STYX: variants seen among roughly 807,000 people sequenced by gnomAD.
STYX encodes the protein serine/threonine/tyrosine interacting protein.
A neutral mutation model predicts 42.7 loss-of-function variants in STYX; 20 were observed. That is an observed-to-expected ratio of 0.47 (90% CI 0.33 to 0.68). STYX has a LOEUF of 0.68. STYX is among the 30% of genes least tolerant of loss of function. The pLI, the probability that STYX is intolerant of heterozygous loss-of-function variation, is 0.02. For missense variants in STYX, 226 were observed against 268.5 expected (o/e 0.84, Z 1.11); for synonymous variants, 78 against 81.9 (o/e 0.95, Z 0.26).
intron 1 of STYX, among the ~76,000 whole-genome samples, chr14:52,741,942 A>T (rs879707951): frequency 6.6e-6 from 1 of 152,050 alleles, no homozygotes; most frequent in African/African-American, 2.4e-5. Flanking sequence ...TCCTGTTTTT[A>T]AATTAGTTTT....
intron 6 of STYX, among the ~76,000 whole-genome samples, 156 bp downstream of exon 6, chr14:52,757,511 G>T (rs1019086443): frequency 6.6e-6 from 1 of 152,086 alleles, no homozygotes; most frequent in Admixed American, 6.6e-5. Flanking sequence ...GTTTCATTTG[G>T]ATAGGCTTTC....
intron 1 of STYX, among the ~76,000 whole-genome samples, chr14:52,739,632 C>CTTTTTTTTTTTTTTTTTTTTTTT (rs58454717): frequency 4.6e-5 from 3 of 65,730 alleles, no homozygotes; most frequent in Non-Finnish European, 8.1e-5. Context: ...TCCTTTCTTT[C>CTTTTTTTTTTTTTTTTTTTTTTT]TTTTTTTTTT....
intron 1 of STYX, among the ~76,000 whole-genome samples, chr14:52,734,646 A>C (rs1394063257): frequency 2.0e-5 from 3 of 152,258 alleles, no homozygotes; most frequent in African/African-American, 7.2e-5. Flanking sequence ...TAATGGTTAA[A>C]GCTAGTGGAT....
At chr14:52,758,772 C>T (rs1881973917) in intron 8 of STYX, among the ~76,000 whole-genome samples, 1 of 152,038 alleles carries the variant, frequency 6.6e-6, no homozygotes, top group Non-Finnish European at 1.5e-5. Context: ...GATGGGGTTT[C>T]ACCATGTTGG....
intron 5 of STYX, among the ~76,000 whole-genome samples, chr14:52,756,854 A>G (rs900039814): frequency 1.3e-5 from 2 of 151,242 alleles, no homozygotes; most frequent in African/African-American, 4.9e-5. Context: ...TGCCCAGCTA[A>G]TTTTGTATTT....
At position 52,759,773 on chromosome 14, in the gene STYX, T is replaced by C. The variant is rs772472653; in HGVS notation, c.504+19T>C. ...ACTTCAGGTAACTTTTCTTCCTCTT[T>C]AAGGCAATCAGAAGTAAGATATAAA... is the stretch of plus-strand genomic sequence containing the variant. On this transcript the variant is annotated intron_variant, in intron 9 of 10. Transcript: ENST00000354586. 1.7e-5 allele frequency: 26 copies of C among 1,505,022 alleles called. No homozygotes were observed. The East Asian group carries it at 5.2e-4, about 30-fold the overall frequency. The allele number at this position is 1,505,022 out of a possible 1,614,324, so 93.2% of individuals were successfully genotyped here.
intron 9 of STYX, among the ~76,000 whole-genome samples, chr14:52,764,407 C>T (rs1023500680): frequency 6.6e-6 from 1 of 152,102 alleles, no homozygotes; most frequent in African/African-American, 2.4e-5. Flanking sequence ...CTTTCTAAAT[C>T]ACTTGATTTT....
At chr14:52,741,279 G>GGGTA (rs1881182859) in intron 1 of STYX, among the ~76,000 whole-genome samples, 2 of 149,036 alleles carry the variant, frequency 1.3e-5, no homozygotes, top group African/African-American at 2.5e-5. Context: ...TATTATAATA[G>GGGTA]GGTAGGTGTA....
At chr14:52,733,027 T>A (rs1880797929) in intron 1 of STYX, among the ~76,000 whole-genome samples, 1 of 152,180 alleles carries the variant, frequency 6.6e-6, no homozygotes, top group Non-Finnish European at 1.5e-5. Context: ...GCAAGCAACC[T>A]TACAAATAAT....
At chr14:52,746,106 C>T (rs954703639) in intron 2 of STYX, among the ~76,000 whole-genome samples, 1 of 151,910 alleles carries the variant, frequency 6.6e-6, no homozygotes, top group African/African-American at 2.4e-5. Context: ...TTTTATGTTA[C>T]AGTAATAATT....
chr14:52,737,831 A>G (rs1025561264), intron 1 of STYX, among the ~76,000 whole-genome samples: 2 of 152,200 alleles, frequency 1.3e-5, no homozygotes, highest in African/African-American at 4.8e-5. Context: ...GTTGGAGTGC[A>G]GTGGCAGGAT....
At chr14:52,770,873 T>A (rs1882483838) in intron 10 of STYX, among the ~76,000 whole-genome samples, 160 bp from the exon 11 acceptor site, 2 of 152,136 alleles carry the variant, frequency 1.3e-5, no homozygotes, top group South Asian at 4.1e-4. Flanking sequence ...TTATAATATT[T>A]AGGTAATTTA....
intron 1 of STYX, among the ~76,000 whole-genome samples, chr14:52,740,211 G>A (rs1219309993): frequency 6.6e-6 from 1 of 152,162 alleles, no homozygotes; most frequent in Non-Finnish European, 1.5e-5. Flanking sequence ...GGGAAGCGGA[G>A]GTTGCAGTGA....
At chr14:52,760,263 G>A (rs1224070452) in intron 9 of STYX, among the ~76,000 whole-genome samples, 2 of 152,082 alleles carry the variant, frequency 1.3e-5, no homozygotes, top group Non-Finnish European at 2.9e-5. Flanking sequence ...AAGGGTTAAA[G>A]ACACATTATC....
At position 52,756,580 on chromosome 14, in the gene STYX, C is replaced by A; in HGVS notation, c.272C>A (p.Pro91Gln). ...TTAGTCCTGGATATTGCAGATAATC[C>A]AGTTGAAAATATAATACGTTTTTTC... ...RYLVLDIADN[P>Q]VENIIRFFPM... Residue 91 changes from proline to glutamine, a missense_variant, in exon 5 of 11, where the codon CCA becomes CAA. Physicochemically the swap from Pro to Gln is moderately conservative, Grantham distance 76. Coordinates refer to ENST00000354586, the MANE Select transcript of STYX (RefSeq NM_145251.4). 6.6e-7 allele frequency: 1 copy of A among 1,519,586 alleles called. No homozygotes were observed. The highest frequency in any genetic ancestry group is 8.9e-7 in the Non-Finnish European group (1 of 1,120,210). 94.1% of individuals were successfully genotyped at this position (1,519,586 alleles called of 1,614,324 possible).
chr14:52,768,805 A>C, intron 9 of STYX, 35 bp from the exon 10 acceptor site: 1 of 1,443,730 alleles, frequency 6.9e-7, no homozygotes, highest in Non-Finnish European at 9.4e-7. Context: ...GAATGTAAAT[A>C]TATAATTAAG....
At chr14:52,762,815 C>A (rs182168341) in intron 9 of STYX, among the ~76,000 whole-genome samples, 5 of 149,234 alleles carry the variant, frequency 3.4e-5, no homozygotes, top group Admixed American at 2.7e-4. Flanking sequence ...TAGACCAGTT[C>A]TCAGACAACA....
At position 52,771,663 on chromosome 14, in the gene STYX, C is replaced by T. The variant is rs1882517404; in HGVS notation, c.*557C>T. 1 of 152,412 alleles carries T rather than the reference C, an allele frequency of 6.6e-6. No homozygotes were observed. The highest frequency in any genetic ancestry group is 2.1e-4 in the South Asian group (1 of 4,826). 9.4% of individuals were successfully genotyped at this position (152,412 alleles called of 1,614,324 possible). ...TTTCTTTTTTAGTATAACTTAATAGCTTAATTACCATTTTATTTTTTATAC... is the reference window on the plus strand; with the variant it reads ...TTTCTTTTTTAGTATAACTTAATAGTTTAATTACCATTTTATTTTTTATAC... On this transcript the variant is annotated 3_prime_UTR_variant, in exon 11 of 11. Transcript: ENST00000354586.
intron 9 of STYX, among the ~76,000 whole-genome samples, chr14:52,760,793 AT>A (rs1207124012): frequency 2.0e-5 from 3 of 150,400 alleles, no homozygotes; most frequent in Non-Finnish European, 3.0e-5. Context: ...GTTTTTTTTC[AT>A]TTTTTTTAAA....
Sources: gnomAD v4.1 joint callset for allele counts (sites outside exome capture counted in the v4.1 genomes callset) on GRCh38, gnomAD v4.1.1 for gene constraint, MANE v1.5 for transcripts, NCBI Gene and HGNC (gene_info 2026-07-23, HGNC 2026-07-21) for gene names.